The following AADACL2 variants were observed in gnomAD, a reference collection of about 807,000 sequenced individuals.
AADACL2 encodes the protein arylacetamide deacetylase like 2.
In AADACL2, 23 loss-of-function variants were observed where a neutral mutation model predicts 22.3. That is an observed-to-expected ratio of 1.03 (90% CI 0.74 to 1.46). The LOEUF (loss-of-function observed/expected upper bound fraction) is 1.46, where lower values mean the gene tolerates loss of function less well. AADACL2 is among the 40% of genes most tolerant of loss of function. The pLI is 0.00. For synonymous variants in AADACL2, 177 were observed against 166.2 expected (o/e 1.07, Z -0.50); for missense variants, 472 against 482.9 (o/e 0.98, Z 0.21).
At chr3:151,756,405 T>A (rs1172958083) in intron 4 of AADACL2, among the ~76,000 whole-genome samples, 1 of 152,134 alleles carries the variant, frequency 6.6e-6, no homozygotes, top group Admixed American at 6.6e-5. Context: ...TTGGCCTTTT[T>A]TTTCTTCACC....
chr3:151,752,155 T>C (rs1301905359), intron 4 of AADACL2, among the ~76,000 whole-genome samples: 1 of 152,220 alleles, frequency 6.6e-6, no homozygotes, highest in Admixed American at 6.5e-5. Context: ...TTTTGGGTCA[T>C]AAGAATCAAC....
rs543104987 is a variant in AADACL2, at chr3:151,749,881, A to C, written c.603+4201A>C. 1.2e-3 allele frequency among the ~76,000 whole-genome samples: 180 copies of C among 152,110 alleles called. 1 individual carries two copies. The highest frequency in any genetic ancestry group is 4.2e-3 in the African/African-American group (173 of 41,506). ...CTCTGACTAGGTCTTCTAGTATTTT[A>C]TTAAATAGGTATAGTGAGAATGGGT... On this transcript the variant is annotated intron_variant, in intron 4 of 4. Transcript: ENST00000356517.
At chr3:151,756,384 A>G (rs537564389) in intron 4 of AADACL2, among the ~76,000 whole-genome samples, 1 of 152,106 alleles carries the variant, frequency 6.6e-6, no homozygotes, top group Admixed American at 6.6e-5. Flanking sequence ...TTCTCATAAG[A>G]TACCTGTTGA....
At chr3:151,745,030 G>C (rs959991753) in intron 3 of AADACL2, among the ~76,000 whole-genome samples, 4 of 151,862 alleles carry the variant, frequency 2.6e-5, no homozygotes, top group Admixed American at 1.3e-4. Flanking sequence ...TAACTACTGG[G>C]TATTATCCAT....
chr3:151,748,630 A>G (rs12486152), intron 4 of AADACL2, among the ~76,000 whole-genome samples: 1 of 152,190 alleles, frequency 6.6e-6, no homozygotes, highest in Non-Finnish European at 1.5e-5. Flanking sequence ...AGATTATTAA[A>G]AACAATCTGG....
intron 4 of AADACL2, among the ~76,000 whole-genome samples, chr3:151,746,225 G>A (rs1450509407): frequency 1.3e-5 from 2 of 151,722 alleles, no homozygotes; most frequent in African/African-American, 4.8e-5. Context: ...TTTTCTGAAT[G>A]TTTATTTGGA....
At chr3:151,756,945 G>A (rs1269603035) in intron 4 of AADACL2, 47 bp from the exon 5 acceptor site, 3 of 1,499,494 alleles carry the variant, frequency 2.0e-6, no homozygotes, top group African/African-American at 2.8e-5. Flanking sequence ...TTTTCTCCTG[G>A]TATTTTGGAA....
At chr3:151,741,963 T>C (rs1713291469) in intron 2 of AADACL2, among the ~76,000 whole-genome samples, 1 of 152,206 alleles carries the variant, frequency 6.6e-6, no homozygotes, top group South Asian at 2.1e-4. Context: ...AAATTCTAGA[T>C]GTCTTTTGTC....
Position 151,751,129 on chromosome 3 carries a change from T to G in AADACL2, c.603+5449T>G, listed in dbSNP as rs74757670. Among the ~76,000 whole-genome samples the G allele has an allele frequency of 9.4e-3, 1,430 of 152,286 alleles. 78 individuals are homozygous for G. The East Asian group carries it at 0.17, about 18-fold the overall frequency. On this transcript the variant is annotated intron_variant, in intron 4 of 4. Coordinates refer to ENST00000356517, the MANE Select transcript of AADACL2 (RefSeq NM_207365.4). ...GAACTTATTTGCTATTTACTTGAAA[T>G]AATGTCATTTATTTGAAAGATCTTA... is the stretch of plus-strand genomic sequence containing the variant.
chr3:151,756,241 C>A (rs1713899122), intron 4 of AADACL2, among the ~76,000 whole-genome samples: 1 of 152,076 alleles, frequency 6.6e-6, no homozygotes, highest in South Asian at 2.1e-4. Flanking sequence ...ATAGGTGAGA[C>A]CTCAAATGCC....
In AADACL2 at chr3:151,757,958, C is replaced by A. The variant is rs531576710; in HGVS notation, c.*364C>A. 10 of 167,722 alleles carry A rather than the reference C, an allele frequency of 6.0e-5. No homozygotes were observed. The highest frequency in any genetic ancestry group is 1.2e-4 in the Non-Finnish European group (9 of 77,860). 10.4% of individuals were successfully genotyped at this position (167,722 alleles called of 1,614,324 possible). A position where few individuals can be genotyped will look rare whatever the true frequency, so the allele number is the denominator to read the frequency against. On this transcript the variant is annotated 3_prime_UTR_variant, in exon 5 of 5. Transcript: ENST00000356517. ...AGTGGGAAGAGGAAAAAACATGGAA[C>A]AAACTTGCTGCTAAAAATATATGGA... is the stretch of plus-strand genomic sequence containing the variant.
chr3:151,755,495 G>A (rs1713864959), intron 4 of AADACL2, among the ~76,000 whole-genome samples: 1 of 152,128 alleles, frequency 6.6e-6, no homozygotes, highest in Admixed American at 6.6e-5. Flanking sequence ...AAACACACCT[G>A]ATAAATAACA....
chr3:151,742,566 C>G (rs1018293438), intron 2 of AADACL2, among the ~76,000 whole-genome samples: 1 of 152,168 alleles, frequency 6.6e-6, no homozygotes, highest in African/African-American at 2.4e-5. Context: ...ACCTCAAGGT[C>G]TCTGGATGAA....
intron 4 of AADACL2, among the ~76,000 whole-genome samples, chr3:151,755,404 A>C (rs1273103671): frequency 6.6e-6 from 1 of 152,156 alleles, no homozygotes; most frequent in East Asian, 1.9e-4. Flanking sequence ...AAAAAAGAAG[A>C]GTTTCCTTTG....
At chr3:151,741,950 G>A (rs1410526090) in intron 2 of AADACL2, among the ~76,000 whole-genome samples, 5 of 152,028 alleles carry the variant, frequency 3.3e-5, no homozygotes, top group East Asian at 1.9e-4. Context: ...ATTCTGCTTA[G>A]CTAAATTCTA....
chr3:151,761,144 G>GATAT lies in AADACL2; in HGVS notation c.*3561_*3564dup, dbSNP rs764915291. The GATAT allele has an allele frequency of 1.1e-5, 1 of 89,328 alleles. No individual in the cohort carries two copies. The highest frequency in any genetic ancestry group is 2.2e-5 in the Non-Finnish European group (1 of 45,720). The allele number at this position is 89,328 out of a possible 1,614,324, so 5.5% of individuals were successfully genotyped here. A position where few individuals can be genotyped will look rare whatever the true frequency, so the allele number is the denominator to read the frequency against. The stretch of plus-strand genomic sequence containing the variant: ...TGAGATATATATTTATATATGGTGA[G>GATAT]ATATATATATATATGGTGAGATATA... On this transcript the variant is annotated 3_prime_UTR_variant, in exon 5 of 5. Coordinates refer to ENST00000356517, the MANE Select transcript of AADACL2 (RefSeq NM_207365.4).
chr3:151,747,530 G>C (rs543030865), intron 4 of AADACL2, among the ~76,000 whole-genome samples: 2 of 152,066 alleles, frequency 1.3e-5, no homozygotes, highest in African/African-American at 4.8e-5. Flanking sequence ...ATTTCATTCA[G>C]TGTAAGGACC....
intron 4 of AADACL2, 60 bp from the exon 5 acceptor site, chr3:151,756,932 T>A (rs1442530321): frequency 3.4e-6 from 5 of 1,491,286 alleles, no homozygotes; most frequent in Non-Finnish European, 4.4e-6. Flanking sequence ...ATAATTAAAT[T>A]TTTTTTCTCC....
intron 1 of AADACL2, among the ~76,000 whole-genome samples, chr3:151,736,890 G>A (rs182925201): frequency 1.3e-5 from 2 of 152,254 alleles, no homozygotes; most frequent in East Asian, 3.9e-4. Flanking sequence ...GATCATTGAG[G>A]AATTGCCACA....
Sources: allele counts gnomAD v4.1 joint callset (sites outside exome capture counted in the v4.1 genomes callset), GRCh38; gene constraint gnomAD v4.1.1; transcripts MANE v1.5; gene names NCBI Gene and HGNC (gene_info 2026-07-23, HGNC 2026-07-21).